Variants in CHD7 observed in about 807,000 individuals in gnomAD.
The protein encoded by CHD7 is ATP-dependent chromatin remodeler CHD7.
Under a neutral mutation model 307.3 loss-of-function variants are expected in CHD7, and 24 were observed. The observed-to-expected ratio is 0.08, with a 90% CI of 0.06 to 0.11. CHD7 has a LOEUF of 0.11. Ranked by LOEUF, CHD7 falls within the 10% of genes least tolerant of loss-of-function variation. The probability of loss-of-function intolerance (pLI) is 1.00; values close to 1 mark genes in which losing one functional copy is unlikely to be tolerated. For synonymous variants in CHD7, 1,363 were observed against 1,349.9 expected, an observed-to-expected ratio of 1.01 and a Z score of -0.21; for missense variants, 3,106 against 3,727.1, an observed-to-expected ratio of 0.83 and a Z score of 4.34.
Position 60,857,615 on chromosome 8 carries a change from A to G in CHD7, c.7608+727A>G, listed in dbSNP as rs1354658997. Among the ~76,000 whole-genome samples the G allele has an allele frequency of 1.3e-5, 2 of 152,202 alleles. 1 individual carries two copies. The highest frequency in any genetic ancestry group is 2.9e-5 in the Non-Finnish European group (2 of 68,028). On this transcript the variant is annotated intron_variant, in intron 34 of 37. Transcript: ENST00000423902. ...CTATTGACCAGAAGCCCCAGTCACC[A>G]TAGTGGCTGGAACTCCTTGTCTGTG...
At chr8:60,705,234 A>G (rs543248816) in intron 1 of CHD7, among the ~76,000 whole-genome samples, 2 of 152,160 alleles carry the variant, frequency 1.3e-5, no homozygotes, top group Admixed American at 6.6e-5. Flanking sequence ...GGAGGAATGG[A>G]TGGGTACAGA....
chr8:60,828,716 C>T lies in CHD7; in HGVS notation c.3432C>T (p.Leu1144=). The T allele has an allele frequency of 1.9e-6, 3 of 1,613,244 alleles. No homozygotes were observed. Among genetic ancestry groups the T allele is most frequent in the Non-Finnish European group, 2.5e-6 (3 of 1,179,550 alleles). The stretch of plus-strand genomic sequence containing the variant: ...CACTCCAGAACACTGTGGAAGAACT[C>T]TTCAGCTTGCTTCATTTCTTGGAAC... ...GTPLQNTVEE[L]FSLLHFLEPS... Residue 1144 remains leucine, a synonymous_variant, in exon 14 of 38, where the codon CTC becomes CTT. Coordinates refer to ENST00000423902, the MANE Select transcript of CHD7 (RefSeq NM_017780.4).
At position 60,862,646 on chromosome 8, in the gene CHD7, G is replaced by A; in HGVS notation, c.8070G>A (p.Lys2690=). The change falls in exon 37 of 38, where the codon AAG becomes AAA. Residue 2690 remains lysine (K), a synonymous_variant. Coordinates refer to ENST00000423902, the MANE Select transcript of CHD7 (RefSeq NM_017780.4). ...CTCCAGACTGGACTGATATAGTTAA[G>A]CAGTCTGTAAGTACAAACTGCATTT... ...AVAPDWTDIV[K]QSGFVPESMF... is the part of the protein sequence containing the mutation. 1 of 1,556,242 alleles carries A rather than the reference G, an allele frequency of 6.4e-7. No individual in the cohort carries two copies. Among genetic ancestry groups the A allele is most frequent in the South Asian group, 1.2e-5 (1 of 84,452 alleles).
intron 3 of CHD7, among the ~76,000 whole-genome samples, chr8:60,786,730 A>T (rs1811507621): frequency 6.6e-6 from 1 of 152,240 alleles, no homozygotes; most frequent in Non-Finnish European, 1.5e-5. Context: ...GCAGGTAAAG[A>T]GCAGAAGGAA....
intron 4 of CHD7, among the ~76,000 whole-genome samples, chr8:60,797,696 A>AT (rs1812098333): frequency 6.6e-6 from 1 of 152,250 alleles, no homozygotes; most frequent in Non-Finnish European, 1.5e-5. Flanking sequence ...ATTGAGTTAA[A>AT]TTGACATATC....
chr8:60,864,642 G>C (rs972322780), intron 37 of CHD7: 13 of 222,774 alleles, frequency 5.8e-5, no homozygotes, highest in Admixed American at 1.6e-4. Flanking sequence ...AAAATATACA[G>C]TAAATTATTG....
intron 21 of CHD7, 30 bp from the exon 22 acceptor site, chr8:60,844,834 A>G: frequency 6.6e-7 from 1 of 1,524,414 alleles, no homozygotes; most frequent in African/African-American, 1.4e-5. Context: ...ACTCACAGGC[A>G]CCTCTGCATG....
chr8:60,798,788 T>G (rs1812154111), intron 4 of CHD7, among the ~76,000 whole-genome samples: 1 of 152,256 alleles, frequency 6.6e-6, no homozygotes, highest in Non-Finnish European at 1.5e-5. Context: ...CTTGAATTCA[T>G]TAGCAGCTTA....
In CHD7 at chr8:60,861,086, G is replaced by A; in HGVS notation, c.7791G>A (p.Leu2597=). ...KNKDLVEWLK[L]HPTYTVDMPS... ...AGGATTTAGTTGAATGGCTGAAGCT[G>A]CACCCTACTTACACTGTTGATATGC... Residue 2597 remains leucine, a synonymous_variant, in exon 35 of 38, where the codon CTG becomes CTA. Transcript: ENST00000423902. The A allele has an allele frequency of 3.7e-6, 6 of 1,608,372 alleles. No individual in the cohort carries two copies. Among genetic ancestry groups the A allele is most frequent in the Non-Finnish European group, 5.1e-6 (6 of 1,177,128 alleles).
chr8:60,829,960 A>G (rs907338261), intron 14 of CHD7, among the ~76,000 whole-genome samples: 24 of 152,316 alleles, frequency 1.6e-4, no homozygotes, highest in African/African-American at 5.5e-4. Flanking sequence ...AAGGAAGAGA[A>G]TAGAAACAGA....
chr8:60,819,113 C>T (rs1332033723), intron 8 of CHD7, among the ~76,000 whole-genome samples: 1 of 152,060 alleles, frequency 6.6e-6, no homozygotes, highest in African/African-American at 2.4e-5. Context: ...GCCATCATGC[C>T]CAGCTTATTT....
intron 1 of CHD7, among the ~76,000 whole-genome samples, chr8:60,715,544 C>G (rs915474186): frequency 6.6e-6 from 1 of 152,124 alleles, no homozygotes; most frequent in Non-Finnish European, 1.5e-5. Flanking sequence ...GTCTCAAACT[C>G]CTGATCTCAG....
chr8:60,679,610 G>A (rs1352026656), intron 1 of CHD7: 1 of 148,386 alleles, frequency 6.7e-6, no homozygotes, highest in Non-Finnish European at 1.5e-5. Context: ...CGCGGGCGCG[G>A]GGCGGCTGAG....
chr8:60,782,271 C>A (rs1811279565), intron 3 of CHD7, among the ~76,000 whole-genome samples: 1 of 152,188 alleles, frequency 6.6e-6, no homozygotes, highest in Non-Finnish European at 1.5e-5. Context: ...AGAAAACACG[C>A]CCACCCCATA....
At chr8:60,680,446 T>TGGGGGC (rs1205275148) in intron 1 of CHD7, among the ~76,000 whole-genome samples, 22 of 18,366 alleles carry the variant, frequency 1.2e-3, no homozygotes, top group Non-Finnish European at 1.9e-3. Flanking sequence ...CGGGCGGGGG[T>TGGGGGC]GGGGGCGCTG....
rs761214775 is a variant in CHD7 at position 60,853,239 on chromosome 8, G to A, written c.6514G>A (p.Glu2172Lys). Reference protein sequence around the residue: ...IQDERVLEQAEGKVEEPENPA... With the variant: ...IQDERVLEQAKGKVEEPENPA... ...AGATGAGAGGGTACTGGAACAAGCC[G>A]AAGGCAAAGTGGAGGAGCCTGAAAA... Residue 2172 changes from glutamate to lysine, a missense_variant, in exon 31 of 38, where the codon GAA becomes AAA. Glu to Lys is a moderately conservative substitution (Grantham distance 56). This residue lies in a region of CHD7 where 1,030 missense variants were observed against 1,165.4 expected (regional missense o/e 0.88). Coordinates refer to ENST00000423902, the MANE Select transcript of CHD7 (RefSeq NM_017780.4). 1.8e-5 allele frequency: 29 copies of A among 1,613,648 alleles called. No homozygotes were observed. Among genetic ancestry groups the A allele is most frequent in the Non-Finnish European group, 2.3e-5 (27 of 1,179,772 alleles).
At chr8:60,702,905 G>A (rs555465192) in intron 1 of CHD7, among the ~76,000 whole-genome samples, 1 of 152,298 alleles carries the variant, frequency 6.6e-6, no homozygotes, top group East Asian at 1.9e-4. Context: ...GAGTGAGCGA[G>A]AGAGCGCCAC....
chr8:60,772,493 C>T (rs1810758616), intron 2 of CHD7, among the ~76,000 whole-genome samples: 1 of 152,158 alleles, frequency 6.6e-6, no homozygotes, highest in African/African-American at 2.4e-5. Context: ...TTTGACCAGC[C>T]AGGAAGCACT....
rs1267866244 is a variant in CHD7, at chr8:60,866,892, T to C, written c.*959T>C. 6.6e-6 allele frequency: 1 copy of C among 152,666 alleles called. No homozygotes were observed. Among genetic ancestry groups the C allele is most frequent in the African/African-American group, 2.4e-5 (1 of 41,470 alleles). The allele number at this position is 152,666 out of a possible 1,614,324, so 9.5% of individuals were successfully genotyped here. On this transcript the variant is annotated 3_prime_UTR_variant, in exon 38 of 38. Transcript: ENST00000423902. ...TGCTTTTAATAAAAGTGACCCATGA[T>C]ATGCAGAGATGTAATTATAGAATGT...
Sources: gnomAD v4.1 joint callset for allele counts (sites outside exome capture counted in the v4.1 genomes callset) on GRCh38, gnomAD v4.1.1 for gene constraint, gnomAD v4.1.1 regional missense constraint, MANE v1.5 for transcripts, NCBI Gene and HGNC (gene_info 2026-07-23, HGNC 2026-07-21) for gene names.